Variants in RPH3A observed in about 807,000 individuals in gnomAD.
RPH3A encodes the protein rabphilin 3A, also known as rabphilin-3A.
RPH3A carries 48 observed loss-of-function variants against 102.2 expected under a neutral mutation model. The ratio of observed to expected loss-of-function variants is 0.47; its 90% CI spans 0.37 to 0.60. The LOEUF is 0.60. Among genes scored for constraint, RPH3A ranks in the 20% least tolerant of loss-of-function variants. The probability of loss-of-function intolerance (pLI) is 0.00; values close to 1 mark genes in which losing one functional copy is unlikely to be tolerated. For missense variants in RPH3A, 781 were observed against 910.1 expected, an observed-to-expected ratio of 0.86 and a Z score of 1.83; for synonymous variants, 310 against 324.3, an observed-to-expected ratio of 0.96 and a Z score of 0.47.
At chr12:112,743,172 G>T (rs1260032339) in intron 1 of RPH3A, among the ~76,000 whole-genome samples, 1 of 152,190 alleles carries the variant, frequency 6.6e-6, no homozygotes, top group Non-Finnish European at 1.5e-5. Context: ...AGTTCTCTTT[G>T]GCTGGGTAAG....
intron 2 of RPH3A, among the ~76,000 whole-genome samples, chr12:112,802,921 AG>A (rs1470326475): frequency 6.6e-6 from 1 of 152,168 alleles, no homozygotes; most frequent in African/African-American, 2.4e-5. Context: ...TGGTGAAAGC[AG>A]AAAGGCTCAT....
At chr12:112,654,634 C>T (rs2039997732) in intron 1 of RPH3A, among the ~76,000 whole-genome samples, 1 of 152,144 alleles carries the variant, frequency 6.6e-6, no homozygotes, top group South Asian at 2.1e-4. Context: ...TTTATATATT[C>T]CTTGGTGACA....
chr12:112,629,524 G>A (rs1008846365), intron 1 of RPH3A, among the ~76,000 whole-genome samples: 10 of 144,874 alleles, frequency 6.9e-5, no homozygotes, highest in African/African-American at 1.6e-4. Context: ...GCTGGAGTGC[G>A]GTGGCACAAT....
chr12:112,747,224 C>A (rs978516709), intron 1 of RPH3A, among the ~76,000 whole-genome samples: 2 of 152,066 alleles, frequency 1.3e-5, no homozygotes, highest in Non-Finnish European at 1.5e-5. Flanking sequence ...GGTAGTGGGA[C>A]TTTTGGGAGG....
intron 1 of RPH3A, among the ~76,000 whole-genome samples, chr12:112,735,705 T>G (rs780629663): frequency 1.3e-5 from 2 of 152,188 alleles, no homozygotes; most frequent in Admixed American, 6.5e-5. Context: ...ACAGAGATGG[T>G]GTGGAGCAGC....
intron 1 of RPH3A, among the ~76,000 whole-genome samples, chr12:112,785,271 G>A (rs945350470): frequency 6.6e-6 from 1 of 151,718 alleles, no homozygotes. Context: ...GGTTGGCAGA[G>A]CATAGTTAGG....
chr12:112,893,120 C>G (rs893926710), intron 19 of RPH3A: 8 of 151,506 alleles, frequency 5.3e-5, no homozygotes, highest in Non-Finnish European at 1.0e-4. Context: ...CCTACCCAAT[C>G]CTTCCAGAAG....
intron 1 of RPH3A, among the ~76,000 whole-genome samples, chr12:112,711,913 A>C (rs1323778967): frequency 6.6e-6 from 1 of 151,386 alleles, no homozygotes; most frequent in Non-Finnish European, 1.5e-5. Flanking sequence ...GCTCACTACA[A>C]CCTCTGCCTC....
intron 1 of RPH3A, among the ~76,000 whole-genome samples, chr12:112,763,265 C>T (rs969518660): frequency 6.6e-6 from 1 of 152,224 alleles, no homozygotes; most frequent in Non-Finnish European, 1.5e-5. Context: ...GTGTCCATGA[C>T]AAGAGTCAAA....
intron 1 of RPH3A, among the ~76,000 whole-genome samples, chr12:112,678,763 G>A (rs997048036): frequency 8.5e-5 from 13 of 152,052 alleles, no homozygotes; most frequent in African/African-American, 3.1e-4. Context: ...AGATGGGGAC[G>A]GGACACAGCA....
At chr12:112,772,477 TG>T (rs2040933557) in intron 1 of RPH3A, among the ~76,000 whole-genome samples, 1 of 152,196 alleles carries the variant, frequency 6.6e-6, no homozygotes, top group Non-Finnish European at 1.5e-5. Context: ...CCAAGGGGGC[TG>T]TATCATCCCC....
chr12:112,870,402 C>A (rs1391480807), intron 10 of RPH3A, among the ~76,000 whole-genome samples: 1 of 151,740 alleles, frequency 6.6e-6, no homozygotes, highest in African/African-American at 2.4e-5. Flanking sequence ...CTCCAAGTCT[C>A]CCCTTGGCAA....
rs979424399 is a variant in RPH3A at position 112,613,316 on chromosome 12, T to G, written c.-140+37997T>G. Among the ~76,000 whole-genome samples, 8 of 151,972 alleles carry G rather than the reference T, an allele frequency of 5.3e-5. 1 individual carries two copies. In the East Asian group the frequency reaches 1.5e-3, roughly 29 times the overall value. ...GGTTGGAGAGACCAGGTCGTTGCCT[T>G]CCTGGAAAGGAGGTGTCAGGGATAT... is the stretch of plus-strand genomic sequence containing the variant. On this transcript the variant is annotated intron_variant, in intron 1 of 21. Coordinates refer to the RPH3A transcript ENST00000543106.
At chr12:112,694,921 T>C (rs2040339004) in intron 1 of RPH3A, 2 of 169,996 alleles carry the variant, frequency 1.2e-5, no homozygotes, top group African/African-American at 4.8e-5. Context: ...TGAAGTCACT[T>C]CATCTATGCT....
intron 2 of RPH3A, among the ~76,000 whole-genome samples, chr12:112,804,714 G>C (rs1473898773): frequency 1.3e-5 from 2 of 152,208 alleles, no homozygotes; most frequent in African/African-American, 2.4e-5. Flanking sequence ...GTTTCTTCCA[G>C]CTGCAGAGTG....
chr12:112,801,758 A>G (rs2041358376), intron 2 of RPH3A, among the ~76,000 whole-genome samples: 1 of 151,774 alleles, frequency 6.6e-6, no homozygotes, highest in African/African-American at 2.4e-5. Context: ...CTCTTCCTCC[A>G]TTTTTCATTA....
chr12:112,891,682 G>T (rs139538862), intron 19 of RPH3A, among the ~76,000 whole-genome samples: 1 of 152,326 alleles, frequency 6.6e-6, no homozygotes, highest in East Asian at 1.9e-4. Context: ...AAGGCCACCA[G>T]GGAGTCCTCA....
intron 1 of RPH3A, among the ~76,000 whole-genome samples, chr12:112,708,747 C>T (rs916211856): frequency 3.5e-4 from 54 of 152,198 alleles, no homozygotes; most frequent in African/African-American, 1.3e-3. Context: ...TTATCAAGCG[C>T]CCAGGGGATC....
chr12:112,685,259 G>C (rs953842079), intron 1 of RPH3A, among the ~76,000 whole-genome samples: 1 of 152,132 alleles, frequency 6.6e-6, no homozygotes, highest in Non-Finnish European at 1.5e-5. Context: ...TTTTATAAGG[G>C]CACTAATCAT....
Sources: allele counts gnomAD v4.1 joint callset (sites outside exome capture counted in the v4.1 genomes callset), GRCh38; gene constraint gnomAD v4.1.1; transcripts MANE v1.5; gene names NCBI Gene and HGNC (gene_info 2026-07-23, HGNC 2026-07-21).